BANK1: variants seen among roughly 807,000 people sequenced by gnomAD.
The protein encoded by BANK1 is B cell scaffold protein with ankyrin repeats 1, also known as B-cell scaffold protein with ankyrin repeats.
Under a neutral mutation model 94.5 loss-of-function variants are expected in BANK1, and 95 were observed. The observed-to-expected ratio is 1.00, with a 90% confidence interval of 0.85 to 1.19. The LOEUF (loss-of-function observed/expected upper bound fraction) is 1.19, where lower values mean the gene tolerates loss of function less well. BANK1 is among the 50% of genes most tolerant of loss of function. The pLI is 0.00. For synonymous variants in BANK1, 334 were observed against 308.4 expected, an observed-to-expected ratio of 1.08 and a Z score of -0.87; for missense variants, 987 against 932.2, an observed-to-expected ratio of 1.06 and a Z score of -0.77.
intron 1 of BANK1, among the ~76,000 whole-genome samples, chr4:101,825,856 C>T (rs918957634): frequency 9.9e-5 from 15 of 151,930 alleles, no homozygotes; most frequent in African/African-American, 2.2e-4. Flanking sequence ...CAATTTTCAA[C>T]ATAAGTAAAA....
At chr4:101,967,571 C>T (rs1724807089) in intron 7 of BANK1, among the ~76,000 whole-genome samples, 1 of 151,920 alleles carries the variant, frequency 6.6e-6, no homozygotes, top group Non-Finnish European at 1.5e-5. Flanking sequence ...AATAAACCCA[C>T]CAGGTCTCTG....
At chr4:102,003,269 G>A (rs1243223118) in intron 7 of BANK1, among the ~76,000 whole-genome samples, 1 of 152,178 alleles carries the variant, frequency 6.6e-6, no homozygotes, top group Non-Finnish European at 1.5e-5. Flanking sequence ...AAACTCAGTG[G>A]ATTAAAACCA....
chr4:101,802,144 C>G (rs1725375149), intron 1 of BANK1, among the ~76,000 whole-genome samples: 3 of 152,204 alleles, frequency 2.0e-5, no homozygotes, highest in Non-Finnish European at 4.4e-5. Context: ...CCTCCTCTAC[C>G]CAGTACTTCC....
intron 11 of BANK1, among the ~76,000 whole-genome samples, chr4:102,051,316 T>C (rs1485746307): frequency 6.6e-6 from 1 of 152,232 alleles, no homozygotes; most frequent in African/African-American, 2.4e-5. Flanking sequence ...CCAGTATACT[T>C]ACATTTCCAT....
At chr4:102,017,818 G>A (rs1280184796) in intron 7 of BANK1, among the ~76,000 whole-genome samples, 1 of 152,100 alleles carries the variant, frequency 6.6e-6, no homozygotes, top group African/African-American at 2.4e-5. Flanking sequence ...TGTATACTCA[G>A]GTTATTCTAA....
intron 6 of BANK1, among the ~76,000 whole-genome samples, chr4:101,900,785 A>G (rs1350574372): frequency 6.6e-6 from 1 of 152,186 alleles, no homozygotes; most frequent in Non-Finnish European, 1.5e-5. Context: ...AAGATAATAC[A>G]TTGGTTGGTA....
intron 1 of BANK1, among the ~76,000 whole-genome samples, chr4:101,800,338 T>C (rs1725318287): frequency 6.6e-6 from 1 of 152,150 alleles, no homozygotes; most frequent in Non-Finnish European, 1.5e-5. Flanking sequence ...TTCCTTCTTC[T>C]ATGTTTCTGG....
chr4:101,989,431 CAAAAAAAAAA>C (rs899065744), intron 7 of BANK1, among the ~76,000 whole-genome samples: 3 of 31,074 alleles, frequency 9.7e-5, no homozygotes, highest in African/African-American at 3.4e-4. Flanking sequence ...GACTCCGTCT[CAAAAAAAAAA>C]AAAAAAAAAA....
At chr4:102,041,720 T>G (rs564481136) in intron 10 of BANK1, among the ~76,000 whole-genome samples, 16 of 152,118 alleles carry the variant, frequency 1.1e-4, no homozygotes, top group South Asian at 8.3e-4. Context: ...CATCCCAATA[T>G]TCTGCCCTTG....
chr4:101,959,647 T>C (rs146393562), intron 7 of BANK1, among the ~76,000 whole-genome samples: 133 of 152,304 alleles, frequency 8.7e-4, no homozygotes, highest in African/African-American at 3.1e-3. Context: ...TGCAAGCACC[T>C]TTAGCAATAA....
intron 1 of BANK1, among the ~76,000 whole-genome samples, chr4:101,818,466 C>G (rs1037664236): frequency 2.6e-5 from 4 of 152,080 alleles, no homozygotes; most frequent in Non-Finnish European, 5.9e-5. Context: ...GAAGAAATAA[C>G]CACCATTATA....
intron 5 of BANK1, among the ~76,000 whole-genome samples, chr4:101,875,418 G>A (rs531064100): frequency 1.7e-3 from 261 of 152,226 alleles, no homozygotes; most frequent in Non-Finnish European, 2.6e-3. Flanking sequence ...TTCTTGTGGC[G>A]GGAGAGGCCT....
At chr4:102,057,730 T>C (rs1213123626) in intron 11 of BANK1, among the ~76,000 whole-genome samples, 1 of 152,210 alleles carries the variant, frequency 6.6e-6, no homozygotes, top group Non-Finnish European at 1.5e-5. Flanking sequence ...TTGATACTTA[T>C]AGTATGACAT....
intron 5 of BANK1, among the ~76,000 whole-genome samples, chr4:101,890,572 AATTTTATTTATTATAAAAACCTG>A (rs1721826978): frequency 6.7e-6 from 1 of 148,582 alleles, no homozygotes; most frequent in South Asian, 2.1e-4. Context: ...ATTAAAGTAT[AATTTTATTTATTATAAAAACCTG>A]ATTTTATTTA....
rs772472264 is a variant in BANK1 at position 101,917,996 on chromosome 4, C to T, written c.1013C>T (p.Thr338Ile). 6.2e-7 allele frequency: 1 copy of T among 1,601,336 alleles called. No individual in the cohort carries two copies. The highest frequency in any genetic ancestry group is 1.1e-5 in the South Asian group (1 of 89,982). The stretch of plus-strand genomic sequence containing the variant: ...CTACTACTTCTTATGCTTACAGATA[C>T]TCATTTCAAAGAACTTCCAACTCTT... Reference protein sequence around the residue: ...QTEICSQNKYTHFKELPTLLH... With the variant: ...QTEICSQNKYIHFKELPTLLH... Residue 338 changes from threonine (T) to isoleucine (I), a missense_variant, in exon 7 of 17, where the codon ACT becomes ATT. Coordinates refer to ENST00000322953, the MANE Select transcript of BANK1 (RefSeq NM_017935.5).
chr4:102,072,391 C>T lies in BANK1; in HGVS notation c.2289C>T (p.Phe763=). 5 of 1,593,418 alleles carry T rather than the reference C, an allele frequency of 3.1e-6. No homozygotes were observed. The South Asian group carries it at 5.6e-5, about 18-fold the overall frequency. ...HNENKFYNVH[F]SNKLPARPQV... ...AAAATAAGTTTTATAATGTACACTTCAGCAATAAGGTAGGTTGTATTTATT... is the reference window on the plus strand; with the variant it reads ...AAAATAAGTTTTATAATGTACACTTTAGCAATAAGGTAGGTTGTATTTATT... Residue 763 remains phenylalanine, a synonymous_variant, in exon 15 of 17, where the codon TTC becomes TTT. Coordinates refer to ENST00000322953, the MANE Select transcript of BANK1 (RefSeq NM_017935.5).
At chr4:101,881,332 T>C (rs1560614734) in intron 5 of BANK1, among the ~76,000 whole-genome samples, 1 of 152,050 alleles carries the variant, frequency 6.6e-6, no homozygotes, top group Non-Finnish European at 1.5e-5. Flanking sequence ...AAAAAGGTGC[T>C]TAACATCATT....
rs781176225 is a variant in BANK1 at position 101,862,678 on chromosome 4, T to C, written c.763+14T>C. 6.3e-6 allele frequency: 10 copies of C among 1,585,794 alleles called. No homozygotes were observed. In the Admixed American group the frequency reaches 1.5e-4, roughly 24 times the overall value. ...TGAAAGCTTTAGGTAAGAATGTTTATGATTTAATAAGCATAAAACATTATC... is the reference window on the plus strand; with the variant it reads ...TGAAAGCTTTAGGTAAGAATGTTTACGATTTAATAAGCATAAAACATTATC... On this transcript the variant is annotated intron_variant, in intron 4 of 16. Transcript: ENST00000322953.
At chr4:101,869,349 G>T (rs912112867) in intron 4 of BANK1, among the ~76,000 whole-genome samples, 1 of 151,826 alleles carries the variant, frequency 6.6e-6, no homozygotes, top group Non-Finnish European at 1.5e-5. Flanking sequence ...GATGAGATGT[G>T]CTTTAAAACT....
Sources: gnomAD v4.1 joint callset for allele counts (sites outside exome capture counted in the v4.1 genomes callset) on GRCh38, gnomAD v4.1.1 for gene constraint, MANE v1.5 for transcripts, NCBI Gene and HGNC (gene_info 2026-07-23, HGNC 2026-07-21) for gene names.